Variants in DBN1 observed in about 807,000 individuals in gnomAD.
DBN1 encodes the protein drebrin 1, also known as drebrin.
A neutral mutation model predicts 83.5 loss-of-function variants in DBN1; 21 were observed. That is an observed-to-expected ratio of 0.25 (90% confidence interval 0.18 to 0.36). DBN1 has a LOEUF of 0.36. DBN1 is among the 10% of genes least tolerant of loss of function. The pLI is 1.00. For synonymous variants in DBN1, 381 were observed against 384.9 expected (o/e 0.99, Z 0.12); for missense variants, 874 against 935.7 (o/e 0.93, Z 0.86).
At chr5:177,469,630 G>A (rs975207515) in intron 1 of DBN1, among the ~76,000 whole-genome samples, 5 of 152,212 alleles carry the variant, frequency 3.3e-5, no homozygotes, top group Non-Finnish European at 7.3e-5. Context: ...CTTTCCTTCT[G>A]TCTGAGCTCT....
chr5:177,463,881 G>A (rs995969012), intron 8 of DBN1, among the ~76,000 whole-genome samples: 7 of 152,174 alleles, frequency 4.6e-5, no homozygotes, highest in Admixed American at 6.5e-5. Context: ...TTGGGAGGCC[G>A]AGGTGGGAGG....
At chr5:177,469,952 G>A (rs987801849) in intron 1 of DBN1, among the ~76,000 whole-genome samples, 1 of 152,222 alleles carries the variant, frequency 6.6e-6, no homozygotes, top group Non-Finnish European at 1.5e-5. Flanking sequence ...GAGGGCAAGG[G>A]AGAAGAGAAA....
At position 177,473,573 on chromosome 5, in the gene DBN1, CGGA is replaced by C. The variant is rs1479473537; in HGVS notation, c.-55_-53del. On this transcript the variant is annotated 5_prime_UTR_variant, in exon 1 of 15. Transcript: ENST00000393565. The stretch of plus-strand genomic sequence containing the variant: ...ACAGACGCGCGGACGGACGGGCGGA[CGGA>C]GGAGGAGGGAGGGAAAGAGGGAGTC... 2.9e-5 allele frequency: 31 copies of C among 1,074,016 alleles called. No homozygotes were observed. Among genetic ancestry groups the C allele is most frequent in the South Asian group, 1.5e-4 (7 of 47,840 alleles). The allele number at this position is 1,074,016 out of a possible 1,614,324, so 66.5% of individuals were successfully genotyped here. A position where few individuals can be genotyped will look rare whatever the true frequency, so the allele number is the denominator to read the frequency against.
chr5:177,464,453 T>TAA (rs199901699), intron 8 of DBN1, among the ~76,000 whole-genome samples: 2 of 144,974 alleles, frequency 1.4e-5, no homozygotes, highest in South Asian at 2.2e-4. Flanking sequence ...CTCAAAAAAA[T>TAA]AAAAATAAAT....
chr5:177,463,775 CA>C (rs1243909590), intron 8 of DBN1, among the ~76,000 whole-genome samples: 1 of 152,162 alleles, frequency 6.6e-6, no homozygotes, highest in African/African-American at 2.4e-5. Context: ...TAAATCAGCT[CA>C]GGGGGTTCAC....
At chr5:177,473,020 T>C (rs1452344720) in intron 1 of DBN1, 6 of 188,258 alleles carry the variant, frequency 3.2e-5, no homozygotes, top group South Asian at 3.7e-4. Context: ...GCTAGCTCGG[T>C]CCCCGCCCCG....
intron 9 of DBN1, 37 bp downstream of exon 9, chr5:177,460,607 C>T (rs1332727089): frequency 1.2e-6 from 2 of 1,614,040 alleles, no homozygotes; most frequent in Non-Finnish European, 1.7e-6. Flanking sequence ...TGAGATAGCC[C>T]TGTCTGCCTC....
chr5:177,469,845 C>T (rs1757720259), intron 1 of DBN1, among the ~76,000 whole-genome samples: 1 of 152,194 alleles, frequency 6.6e-6, no homozygotes, highest in Non-Finnish European at 1.5e-5. Flanking sequence ...GGGCCTTGTC[C>T]CTGAAGTTTG....
intron 8 of DBN1, among the ~76,000 whole-genome samples, chr5:177,461,310 G>A (rs1757025881): frequency 6.6e-6 from 1 of 150,876 alleles, no homozygotes; most frequent in Non-Finnish European, 1.5e-5. Flanking sequence ...GTTTTAGCCG[G>A]GATGGTCTCG....
chr5:177,468,893 C>T lies in DBN1; in HGVS notation c.93G>A (p.Leu31=). The change falls in exon 2 of 15, where the codon CTG becomes CTA. Residue 31 remains leucine, a synonymous_variant. Coordinates refer to ENST00000393565, the MANE Select transcript of DBN1 (RefSeq NM_001363541.2). ...CATCGGAGCCATCTTCATATGTGTA[C>T]AGAGCCCTGGGGAGAGGGAGGGGTG... is the stretch of plus-strand genomic sequence containing the variant. The part of the protein sequence containing the change: ...IREESAADWA[L]YTYEDGSDDL... 1 of 1,316,000 alleles carries T rather than the reference C, an allele frequency of 7.6e-7. No individual in the cohort carries two copies. Among genetic ancestry groups the T allele is most frequent in the Non-Finnish European group, 9.8e-7 (1 of 1,023,640 alleles). 81.5% of individuals were successfully genotyped at this position (1,316,000 alleles called of 1,614,324 possible). A position where few individuals can be genotyped will look rare whatever the true frequency, so the allele number is the denominator to read the frequency against.
At chr5:177,470,273 C>A (rs1335605487) in intron 1 of DBN1, among the ~76,000 whole-genome samples, 7 of 152,216 alleles carry the variant, frequency 4.6e-5, no homozygotes, top group Non-Finnish European at 8.8e-5. Context: ...ACCACGGGAA[C>A]AAAGGGCCCT....
chr5:177,465,599 T>TA (rs1236127888), intron 8 of DBN1, among the ~76,000 whole-genome samples: 1 of 152,144 alleles, frequency 6.6e-6, no homozygotes, highest in East Asian at 1.9e-4. Context: ...CTCACGTCTA[T>TA]AATCCCAGCA....
At position 177,457,102 on chromosome 5, in the gene DBN1, TGA is replaced by T. The variant is rs2127391205; in HGVS notation, c.*329_*330del. On this transcript the variant is annotated 3_prime_UTR_variant, in exon 15 of 15. Transcript: ENST00000393565. ...CCCCCACGCCAGGCCCCAAGCAGGG[TGA>T]GGCCTCCAACCCGGCCAGCTGAGCA... is the stretch of plus-strand genomic sequence containing the variant. The T allele has an allele frequency of 2.9e-6, 1 of 339,746 alleles. No homozygotes were observed. The highest frequency in any genetic ancestry group is 5.6e-5 in the East Asian group (1 of 17,986). 21.0% of individuals were successfully genotyped at this position (339,746 alleles called of 1,614,324 possible). A position where few individuals can be genotyped will look rare whatever the true frequency, so the allele number is the denominator to read the frequency against.
In DBN1 at chr5:177,466,839, G is replaced by A; in HGVS notation, c.708-4C>T. The A allele has an allele frequency of 6.2e-7, 1 of 1,614,090 alleles. No individual in the cohort carries two copies. Among genetic ancestry groups the A allele is most frequent in the Non-Finnish European group, 8.5e-7 (1 of 1,179,972 alleles). On this transcript the variant is annotated splice_polypyrimidine_tract_variant and splice_region_variant and intron_variant, in intron 7 of 14. Coordinates refer to ENST00000393565, the MANE Select transcript of DBN1 (RefSeq NM_001363541.2). The surrounding 1 kb of genome is among the most constrained non-coding windows in gnomAD (Gnocchi z 4.8). ...TTCTAAAGTCTGCTGTTTCCTCCTG[G>A]AACGATAAGCAGCCAGCACCCGTCA...
chr5:177,460,817 CCACCCAGGCTGGGGAGCAGTGGTACAAT>C, intron 8 of DBN1, 114 bp from the exon 9 acceptor site: 3 of 1,074,374 alleles, frequency 2.8e-6, no homozygotes, highest in South Asian at 3.0e-5. Context: ...TCTCGCCCTA[CCACCCAGGCTGGGGAGCAGTGGTACAAT>C]CACGGCTCAC....
rs1756572204 is a variant in DBN1, at chr5:177,457,292, C to T, written c.*141G>A. On this transcript the variant is annotated 3_prime_UTR_variant, in exon 15 of 15. Coordinates refer to ENST00000393565, the MANE Select transcript of DBN1 (RefSeq NM_001363541.2). The stretch of plus-strand genomic sequence containing the variant: ...AAGTCAGGCCCTGTGGGTAGGGAAG[C>T]GGCCAAGTCCCCAGCCAGGGCCGGA... The T allele has an allele frequency of 4.2e-6, 3 of 719,442 alleles. No individual in the cohort carries two copies. Among genetic ancestry groups the T allele is most frequent in the Admixed American group, 2.1e-5 (1 of 47,328 alleles). 44.6% of individuals were successfully genotyped at this position (719,442 alleles called of 1,614,324 possible). A position where few individuals can be genotyped will look rare whatever the true frequency, so the allele number is the denominator to read the frequency against.
intron 8 of DBN1, among the ~76,000 whole-genome samples, chr5:177,465,750 G>A (rs1162511000): frequency 6.6e-6 from 1 of 151,710 alleles, no homozygotes; most frequent in Admixed American, 6.6e-5. Context: ...AGCTACTCAG[G>A]AGGCTGAGGC....
chr5:177,464,703 A>T (rs1434244180), intron 8 of DBN1, among the ~76,000 whole-genome samples: 1 of 151,876 alleles, frequency 6.6e-6, no homozygotes, highest in Non-Finnish European at 1.5e-5. Context: ...GCACTTTGTG[A>T]GGCCGGCGGG....
In DBN1 at chr5:177,458,666, T is replaced by C; in HGVS notation, c.1306A>G (p.Arg436Gly). The change falls in exon 13 of 15, where the codon AGA becomes GGA. Residue 436 changes from arginine (R) to glycine (G), a missense_variant. Coordinates refer to ENST00000393565, the MANE Select transcript of DBN1 (RefSeq NM_001363541.2). Reference sequence around the variant, plus strand: ...GCCCAGGCCTGAGGGGCTGCTGCTCTGGTCTCCTCACTGTCTAGGATGGGG... The same window carrying C: ...GCCCAGGCCTGAGGGGCTGCTGCTCCGGTCTCCTCACTGTCTAGGATGGGG... ...PSPILDSEET[R>G]AAAPQAWAGP... is the part of the protein sequence containing the mutation. 1 of 1,571,602 alleles carries C rather than the reference T, an allele frequency of 6.4e-7. No homozygotes were observed. The highest frequency in any genetic ancestry group is 8.6e-7 in the Non-Finnish European group (1 of 1,161,374).
Sources: allele counts gnomAD v4.1 joint callset (sites outside exome capture counted in the v4.1 genomes callset), GRCh38; gene constraint gnomAD v4.1.1; non-coding constraint Gnocchi (gnomAD v3.1); transcripts MANE v1.5; gene names NCBI Gene and HGNC (gene_info 2026-07-23, HGNC 2026-07-21).